The following DENND1A variants were observed in gnomAD, a reference collection of about 807,000 sequenced individuals.
The protein encoded by DENND1A is DENN domain containing 1A.
A neutral mutation model predicts 113.7 loss-of-function variants in DENND1A; 51 were observed. The observed-to-expected ratio is 0.45, with a 90% CI of 0.36 to 0.57. DENND1A has a LOEUF of 0.57. Ranked by LOEUF, DENND1A falls within the 20% of genes least tolerant of loss-of-function variation. The pLI is 0.00. For synonymous variants in DENND1A, 565 were observed against 570.8 expected (o/e 0.99, Z 0.14); for missense variants, 1,258 against 1,395.9 (o/e 0.90, Z 1.57).
intron 19 of DENND1A, among the ~76,000 whole-genome samples, chr9:123,433,366 T>C (rs2046280910): frequency 1.3e-5 from 2 of 152,352 alleles, no homozygotes. Flanking sequence ...AGGTACATCT[T>C]GGGGAAACAG....
At chr9:123,398,796 A>AC (rs2043273450) in intron 21 of DENND1A, among the ~76,000 whole-genome samples, 1 of 135,974 alleles carries the variant, frequency 7.4e-6, no homozygotes. Flanking sequence ...ACCACACAGC[A>AC]TTTTTTTTTT....
chr9:123,653,100 C>A (rs991010559), intron 8 of DENND1A, among the ~76,000 whole-genome samples: 2 of 152,116 alleles, frequency 1.3e-5, no homozygotes, highest in Non-Finnish European at 2.9e-5. Context: ...AGATCTATAA[C>A]CCATAAATTG....
chr9:123,565,554 C>A (rs778651662), intron 12 of DENND1A, among the ~76,000 whole-genome samples: 4 of 152,172 alleles, frequency 2.6e-5, no homozygotes, highest in African/African-American at 7.2e-5. Flanking sequence ...TTTCCTCCCC[C>A]CTTTAAGGAC....
intron 1 of DENND1A, among the ~76,000 whole-genome samples, chr9:123,923,204 A>C (rs1339822532): frequency 6.6e-6 from 1 of 152,198 alleles, no homozygotes; most frequent in Non-Finnish European, 1.5e-5. Flanking sequence ...TTCTGTTTCA[A>C]CCTTCCTATC....
At chr9:123,498,251 C>G (rs2052126950) in intron 13 of DENND1A, among the ~76,000 whole-genome samples, 1 of 152,232 alleles carries the variant, frequency 6.6e-6, no homozygotes, top group Non-Finnish European at 1.5e-5. Flanking sequence ...TAGCTTTCTA[C>G]ACATTCTCTC....
At chr9:123,815,804 G>A (rs769775572) in intron 2 of DENND1A, among the ~76,000 whole-genome samples, 11 of 152,002 alleles carry the variant, frequency 7.2e-5, no homozygotes, top group Admixed American at 2.6e-4. Flanking sequence ...TACAATGTGA[G>A]GAGGCTAAAA....
At chr9:123,777,989 T>C (rs191205399) in intron 3 of DENND1A, among the ~76,000 whole-genome samples, 291 of 152,212 alleles carry the variant, frequency 1.9e-3, no homozygotes, top group African/African-American at 6.7e-3. Flanking sequence ...ATAAGGAGGA[T>C]TCAGAACTGA....
intron 13 of DENND1A, among the ~76,000 whole-genome samples, chr9:123,505,975 G>A (rs1215608987): frequency 6.6e-6 from 1 of 152,036 alleles, no homozygotes; most frequent in Non-Finnish European, 1.5e-5. Context: ...CTCAACGTGA[G>A]TGAGTGTGCC....
In DENND1A at chr9:123,769,543, G is replaced by C; in HGVS notation, c.153C>G (p.Thr51=). The change falls in exon 4 of 24, where the codon ACC becomes ACG. Residue 51 remains threonine (T), a synonymous_variant. Transcript: ENST00000394215. ...YSDQEVLQTL[T]KFCFPFYVDS... is the part of the protein sequence containing the mutation. ...CCACATAGAAGGGGAAACAAAACTT[G>C]GTCAAAGTCTGTAGAACTTCCTGTG... 1 of 1,609,286 alleles carries C rather than the reference G, an allele frequency of 6.2e-7. No homozygotes were observed. The highest frequency in any genetic ancestry group is 8.5e-7 in the Non-Finnish European group (1 of 1,178,378).
At chr9:123,603,172 G>C (rs1228480060) in intron 11 of DENND1A, among the ~76,000 whole-genome samples, 1 of 151,964 alleles carries the variant, frequency 6.6e-6, no homozygotes, top group Non-Finnish European at 1.5e-5. Flanking sequence ...AAAGAGAAAG[G>C]AACAAAGCAT....
At chr9:123,653,370 T>C (rs968253371) in intron 8 of DENND1A, among the ~76,000 whole-genome samples, 21 of 152,238 alleles carry the variant, frequency 1.4e-4, no homozygotes, top group Admixed American at 1.1e-3. Flanking sequence ...TGAGGCGTTA[T>C]TCTTTCCAAT....
intron 19 of DENND1A, among the ~76,000 whole-genome samples, chr9:123,425,232 G>A (rs145055608): frequency 1.2e-4 from 18 of 152,322 alleles, no homozygotes; most frequent in East Asian, 3.9e-4. Flanking sequence ...CTCTGGTCTC[G>A]CTGAATCAGA....
chr9:123,408,694 C>T lies in DENND1A; in HGVS notation c.1542+3082G>A, dbSNP rs1244544520. 2.6e-5 allele frequency among the ~76,000 whole-genome samples: 4 copies of T among 152,208 alleles called. No homozygotes were observed. In the East Asian group the frequency reaches 5.8e-4, roughly 22 times the overall value. The stretch of plus-strand genomic sequence containing the variant: ...AAGCTAGCGCCAGGCTAGTCACCTC[C>T]TGCATTAGCTCAGCGCCTGAGGCAG... On this transcript the variant is annotated intron_variant, in intron 20 of 23. Transcript: ENST00000394215.
chr9:123,909,580 T>C (rs532666566), intron 1 of DENND1A, among the ~76,000 whole-genome samples: 2 of 152,054 alleles, frequency 1.3e-5, no homozygotes, highest in Non-Finnish European at 2.9e-5. Context: ...GCTATCAACA[T>C]ACTGGTTGAC....
In DENND1A at chr9:123,457,846, C is replaced by T. The variant is rs752437012; in HGVS notation, c.1045G>A (p.Gly349Arg). The change falls in exon 14 of 24, where the codon GGA becomes AGA. Residue 349 changes from glycine (G) to arginine (R), a missense_variant. Gly to Arg is a moderately radical substitution (Grantham distance 125). This residue lies in a region of DENND1A where 1,159 missense variants were observed against 1,231.7 expected (regional missense o/e 0.94). Coordinates refer to ENST00000394215, the MANE Select transcript of DENND1A (RefSeq NM_001352964.2). Reference sequence around the variant, plus strand: ...TTCTGCAGGAACTGCCTCATGGCTCCGGAGCGGTAGTGGGACACGAAGGCT... The same window carrying T: ...TTCTGCAGGAACTGCCTCATGGCTCTGGAGCGGTAGTGGGACACGAAGGCT... Reference protein sequence around the residue: ...EEAFVSHYRSGAMRQFLQNAT... With the variant: ...EEAFVSHYRSRAMRQFLQNAT... 31 of 1,612,674 alleles carry T rather than the reference C, an allele frequency of 1.9e-5. No individual in the cohort carries two copies. The highest frequency in any genetic ancestry group is 2.7e-5 in the African/African-American group (2 of 74,872).
At chr9:123,833,877 G>A (rs1452281403) in intron 2 of DENND1A, among the ~76,000 whole-genome samples, 2 of 152,064 alleles carry the variant, frequency 1.3e-5, no homozygotes, top group East Asian at 1.9e-4. Flanking sequence ...TGGCCAACAC[G>A]GTGAAACCCC....
chr9:123,436,094 C>T (rs964518975), intron 19 of DENND1A, among the ~76,000 whole-genome samples: 2 of 152,230 alleles, frequency 1.3e-5, no homozygotes, highest in African/African-American at 4.8e-5. Flanking sequence ...CCTTCTATAG[C>T]TGTGGGAAGG....
At chr9:123,570,336 G>A (rs2058289441) in intron 12 of DENND1A, among the ~76,000 whole-genome samples, 1 of 152,208 alleles carries the variant, frequency 6.6e-6, no homozygotes, top group Non-Finnish European at 1.5e-5. Context: ...GTATAAATGG[G>A]TAGAAGAGCA....
chr9:123,559,722 C>T lies in DENND1A; in HGVS notation c.868-2027G>A, dbSNP rs772025098. ...ATTCATTCATTTAAAGTACACAGTTCGGTGGTTTTTAGTGTAGTCACAAGA... is the reference window on the plus strand; with the variant it reads ...ATTCATTCATTTAAAGTACACAGTTTGGTGGTTTTTAGTGTAGTCACAAGA... On this transcript the variant is annotated intron_variant, in intron 12 of 23. Transcript: ENST00000394215. 7.2e-5 allele frequency among the ~76,000 whole-genome samples: 11 copies of T among 152,196 alleles called. 1 individual carries two copies. Among genetic ancestry groups the T allele is most frequent in the Non-Finnish European group, 1.0e-4 (7 of 68,038 alleles).
Sources: allele counts gnomAD v4.1 joint callset (sites outside exome capture counted in the v4.1 genomes callset), GRCh38; gene constraint gnomAD v4.1.1; regional missense constraint gnomAD v4.1.1; transcripts MANE v1.5; gene names NCBI Gene and HGNC (gene_info 2026-07-23, HGNC 2026-07-21).